Variants in RPH3A observed in about 807,000 individuals in gnomAD.
RPH3A encodes rabphilin 3A, also known as rabphilin-3A.
RPH3A carries 48 observed loss-of-function variants against 102.2 expected under a neutral mutation model. The observed-to-expected ratio is 0.47, with a 90% CI of 0.37 to 0.60. The LOEUF is 0.60. RPH3A is among the 20% of genes least tolerant of loss of function. RPH3A has a pLI of 0.00. For missense variants in RPH3A, 781 were observed against 910.1 expected, an observed-to-expected ratio of 0.86 and a Z score of 1.83; for synonymous variants, 310 against 324.3, an observed-to-expected ratio of 0.96 and a Z score of 0.47.
At chr12:112,833,890 T>C (rs1318882125) in intron 3 of RPH3A, among the ~76,000 whole-genome samples, 1 of 152,142 alleles carries the variant, frequency 6.6e-6, no homozygotes, top group African/African-American at 2.4e-5. Context: ...TTACTGCACC[T>C]GGATAAGTTT....
intron 2 of RPH3A, among the ~76,000 whole-genome samples, chr12:112,818,034 C>A (rs1348477607): frequency 2.0e-5 from 3 of 152,078 alleles, no homozygotes; most frequent in Non-Finnish European, 2.9e-5. Flanking sequence ...AACAAAAGGC[C>A]GGGCATGGTG....
intron 5 of RPH3A, among the ~76,000 whole-genome samples, chr12:112,851,229 C>T (rs915937264): frequency 1.3e-5 from 2 of 152,100 alleles, no homozygotes; most frequent in African/African-American, 4.8e-5. Context: ...GTGAGGAAAC[C>T]GAAGCTTAGA....
At chr12:112,848,277 A>T (rs1415593902) in intron 5 of RPH3A, among the ~76,000 whole-genome samples, 1 of 152,186 alleles carries the variant, frequency 6.6e-6, no homozygotes, top group Admixed American at 6.6e-5. Context: ...GGTACAGCTG[A>T]GGGCAAGGTT....
rs1394992163 is a variant in RPH3A at position 112,881,831 on chromosome 12, G to T, written c.1311G>T (p.Leu437=). The stretch of plus-strand genomic sequence containing the variant: ...ATCCCTACGTTAAGCTGCACCTCCT[G>T]CCGGGAGCCAGCAAGGTACCATATG... ...LADPYVKLHL[L]PGASKSNKLR... The change falls in exon 15 of 22, where the codon CTG becomes CTT. Residue 437 remains leucine, a synonymous_variant. Coordinates refer to ENST00000389385, the MANE Select transcript of RPH3A (RefSeq NM_001143854.2). The T allele has an allele frequency of 1.2e-6, 2 of 1,611,920 alleles. No individual in the cohort carries two copies. Among genetic ancestry groups the T allele is most frequent in the African/African-American group, 1.3e-5 (1 of 74,944 alleles).
At chr12:112,695,429 T>C (rs1486057356) in intron 1 of RPH3A, among the ~76,000 whole-genome samples, 1 of 152,220 alleles carries the variant, frequency 6.6e-6, no homozygotes, top group African/African-American at 2.4e-5. Flanking sequence ...TTGAGGGTAT[T>C]GCCTATCTAA....
Position 112,875,098 on chromosome 12 carries a change from A to G in RPH3A, c.811A>G (p.Asn271Asp). ...SRSPAGLRRANSVQASRPAPG... is the reference protein window; with the variant it reads ...SRSPAGLRRADSVQASRPAPG... ...TTCCTCTGCAGGTTTGAGACGGGCC[A>G]ACTCAGTCCAGGCCTCCAGACCTGC... The change falls in exon 11 of 22, where the codon AAC (asparagine) becomes GAC (aspartate). Residue 271 changes from asparagine to aspartate, a missense_variant. Around this residue, in one of 2 missense-constraint regions of RPH3A, gnomAD observed 730 missense variants for 810.0 expected, o/e 0.90. Coordinates refer to ENST00000389385, the MANE Select transcript of RPH3A (RefSeq NM_001143854.2). 6 of 1,609,254 alleles carry G rather than the reference A, an allele frequency of 3.7e-6. No homozygotes were observed. The highest frequency in any genetic ancestry group is 5.1e-6 in the Non-Finnish European group (6 of 1,178,384).
chr12:112,876,751 C>T lies in RPH3A; in HGVS notation c.1056C>T (p.Pro352=). Residue 352 remains proline, a synonymous_variant, in exon 13 of 22, where the codon CCC becomes CCT. Coordinates refer to ENST00000389385, the MANE Select transcript of RPH3A (RefSeq NM_001143854.2). ...VGAREDRMSH[P]SGPYSQASAA... ...CCAGAGAGGACCGAATGAGCCACCC[C>T]TCCGGACCCTATTCCCAAGCATCTG... 1 of 1,613,402 alleles carries T rather than the reference C, an allele frequency of 6.2e-7. No individual in the cohort carries two copies. The highest frequency in any genetic ancestry group is 8.5e-7 in the Non-Finnish European group (1 of 1,179,728).
Position 112,811,485 on chromosome 12 carries a change from A to G in RPH3A, c.-18-16816A>G, listed in dbSNP as rs111683574. Reference sequence around the variant, plus strand: ...CCATTTTTAAACAGCAAAATTACCAACAAAAAGTGCAAAAATGCAAAAAAA... The same window carrying G: ...CCATTTTTAAACAGCAAAATTACCAGCAAAAAGTGCAAAAATGCAAAAAAA... On this transcript the variant is annotated intron_variant, in intron 2 of 21. Transcript: ENST00000389385. 1.1e-4 allele frequency among the ~76,000 whole-genome samples: 17 copies of G among 152,230 alleles called. 1 individual carries two copies. The highest frequency in any genetic ancestry group is 3.9e-4 in the African/African-American group (16 of 41,530).
intron 1 of RPH3A, among the ~76,000 whole-genome samples, chr12:112,629,671 C>T (rs2039790498): frequency 6.6e-6 from 1 of 151,810 alleles, no homozygotes; most frequent in South Asian, 2.1e-4. Context: ...GGGACAAAGT[C>T]TCACTATGCT....
rs192549977 is a variant in RPH3A at position 112,641,340 on chromosome 12, G to A, written c.-140+66021G>A. ...CTTTAAGTGACCTGGATCAGAGACA[G>A]TGTTAAATGTGGTCAGATGTGAAGA... On this transcript the variant is annotated intron_variant, in intron 1 of 21. Transcript: ENST00000543106. Among the ~76,000 whole-genome samples, 252 of 152,346 alleles carry A rather than the reference G, an allele frequency of 1.7e-3. 2 individuals carry two copies. The highest frequency in any genetic ancestry group is 5.7e-3 in the African/African-American group (239 of 41,584).
intron 1 of RPH3A, among the ~76,000 whole-genome samples, chr12:112,754,542 T>G (rs918211543): frequency 1.3e-5 from 2 of 152,176 alleles, no homozygotes; most frequent in Non-Finnish European, 2.9e-5. Context: ...AAAGACCACA[T>G]GTGTAGGCAA....
intron 6 of RPH3A, 36 bp downstream of exon 6, chr12:112,865,579 G>C: frequency 6.2e-7 from 1 of 1,603,996 alleles, no homozygotes; most frequent in Non-Finnish European, 8.5e-7. Flanking sequence ...TCCCTGTGCA[G>C]CACCTGCAGA....
At chr12:112,832,669 C>T (rs2136161500) in intron 3 of RPH3A, among the ~76,000 whole-genome samples, 1 of 152,214 alleles carries the variant, frequency 6.6e-6, no homozygotes, top group East Asian at 1.9e-4. Context: ...CAGTGAGACT[C>T]CATCTCTGCA....
chr12:112,703,281 T>C (rs919175728), intron 1 of RPH3A, among the ~76,000 whole-genome samples: 1 of 152,226 alleles, frequency 6.6e-6, no homozygotes, highest in Non-Finnish European at 1.5e-5. Context: ...TGTGGGTTTG[T>C]TACACAGCAT....
intron 3 of RPH3A, among the ~76,000 whole-genome samples, chr12:112,832,935 C>CTTT (rs1593058526): frequency 9.2e-6 from 1 of 108,806 alleles, no homozygotes; most frequent in African/African-American, 3.4e-5. Flanking sequence ...AATTATTTCA[C>CTTT]TCTTTTTTTT....
chr12:112,880,811 T>C (rs778082430), intron 14 of RPH3A, among the ~76,000 whole-genome samples: 19 of 152,246 alleles, frequency 1.2e-4, no homozygotes, highest in Non-Finnish European at 2.5e-4. Flanking sequence ...TTATGTACTG[T>C]ATTCTTACAA....
At chr12:112,619,707 T>C (rs950512623) in intron 1 of RPH3A, among the ~76,000 whole-genome samples, 1 of 152,210 alleles carries the variant, frequency 6.6e-6, no homozygotes, top group African/African-American at 2.4e-5. Context: ...ACCTTTGTTA[T>C]TGTCTTTTTT....
intron 1 of RPH3A, chr12:112,591,518 C>A (rs2039478203): frequency 6.6e-6 from 1 of 152,220 alleles, no homozygotes; most frequent in African/African-American, 2.4e-5. Flanking sequence ...TTTATTTGAA[C>A]TGAACTTCAG....
At chr12:112,717,700 C>G (rs2040523345) in intron 1 of RPH3A, among the ~76,000 whole-genome samples, 1 of 147,636 alleles carries the variant, frequency 6.8e-6, no homozygotes, top group Non-Finnish European at 1.5e-5. Context: ...CATTTGTGTA[C>G]TGGTTTTGTG....
Sources: allele counts gnomAD v4.1 joint callset (sites outside exome capture counted in the v4.1 genomes callset), GRCh38; gene constraint gnomAD v4.1.1; regional missense constraint gnomAD v4.1.1; transcripts MANE v1.5; gene names NCBI Gene and HGNC (gene_info 2026-07-23, HGNC 2026-07-21).